PPP6R2: variants seen among roughly 807,000 people sequenced by gnomAD.
PPP6R2 encodes protein phosphatase 6 regulatory subunit 2.
In PPP6R2, 62 loss-of-function variants were observed where a neutral mutation model predicts 100.2. The ratio of observed to expected loss-of-function variants is 0.62; its 90% CI spans 0.50 to 0.76. The LOEUF (loss-of-function observed/expected upper bound fraction) is 0.76, where lower values mean the gene tolerates loss of function less well. Ranked by LOEUF, PPP6R2 falls within the 30% of genes least tolerant of loss-of-function variation. PPP6R2 has a pLI of 0.00. For missense variants in PPP6R2, 1,142 were observed against 1,276.3 expected (o/e 0.89, Z 1.60); for synonymous variants, 525 against 514.7 (o/e 1.02, Z -0.27).
upstream of PPP6R2, among the ~76,000 whole-genome samples, chr22:50,339,659 GTA>G (rs2042347145): frequency 7.2e-6 from 1 of 138,042 alleles, no homozygotes; most frequent in Non-Finnish European, 1.6e-5. Flanking sequence ...GGTGTGTGGT[GTA>G]TGTTTCGAGT....
At chr22:50,410,121 A>G (rs984831949) in intron 4 of PPP6R2, among the ~76,000 whole-genome samples, 1 of 151,570 alleles carries the variant, frequency 6.6e-6, no homozygotes, top group African/African-American at 2.4e-5. Flanking sequence ...TTTTAGAATG[A>G]GTTTGTCACT....
chr22:50,354,425 A>G (rs1308398684), intron 1 of PPP6R2, among the ~76,000 whole-genome samples: 1 of 152,234 alleles, frequency 6.6e-6, no homozygotes, highest in Admixed American at 6.5e-5. Flanking sequence ...TCCAGTGAGC[A>G]TGTCCTTTGA....
intron 2 of PPP6R2, among the ~76,000 whole-genome samples, chr22:50,372,423 C>T (rs2050416561): frequency 6.6e-6 from 1 of 151,904 alleles, no homozygotes; most frequent in South Asian, 2.1e-4. Flanking sequence ...GTGGTGTGTA[C>T]CTGTAATCCC....
intron 1 of PPP6R2, among the ~76,000 whole-genome samples, chr22:50,354,862 A>G (rs2046112337): frequency 7.1e-6 from 1 of 140,348 alleles, no homozygotes; most frequent in Admixed American, 7.3e-5. Flanking sequence ...CTGCACCTGG[A>G]TCAGCCTTTT....
chr22:50,382,659 A>C, intron 2 of PPP6R2, among the ~76,000 whole-genome samples: 1 of 152,214 alleles, frequency 6.6e-6, no homozygotes, highest in African/African-American at 2.4e-5. Flanking sequence ...AGAGCACTAT[A>C]CAATTTTGAA....
intron 3 of PPP6R2, among the ~76,000 whole-genome samples, chr22:50,404,268 T>A (rs1221156503): frequency 3.3e-5 from 5 of 150,724 alleles, no homozygotes; most frequent in Non-Finnish European, 5.9e-5. Context: ...CTAATTTTTG[T>A]ATTTTTAGTA....
At chr22:50,414,331 G>GGCCCCCCC (rs2060189395) in intron 4 of PPP6R2, among the ~76,000 whole-genome samples, 1 of 26,774 alleles carries the variant, frequency 3.7e-5, no homozygotes, top group African/African-American at 8.4e-5. Context: ...CTGTGCAGTG[G>GGCCCCCCC]CCCCCCCCCC....
At chr22:50,441,063 C>T (rs992521120) in intron 22 of PPP6R2, 37 bp downstream of exon 22, 2 of 1,472,022 alleles carry the variant, frequency 1.4e-6, no homozygotes, top group Non-Finnish European at 1.8e-6. Context: ...CTGCCGGGTG[C>T]ATAGGGCGTG....
intron 3 of PPP6R2, among the ~76,000 whole-genome samples, chr22:50,400,914 C>T (rs544709650): frequency 6.6e-5 from 10 of 152,304 alleles, no homozygotes; most frequent in African/African-American, 2.4e-4. Flanking sequence ...CTTTCTGGGA[C>T]TTCTAATGAG....
chr22:50,351,026 GTTTTTTTTTTTTTT>G (rs1195469509), intron 1 of PPP6R2, among the ~76,000 whole-genome samples: 4 of 80,748 alleles, frequency 5.0e-5, no homozygotes, highest in Admixed American at 1.6e-4. Context: ...TCTCAACAGT[GTTTTTTTTTTTTTT>G]TTTTTTTTTT....
intron 1 of PPP6R2, among the ~76,000 whole-genome samples, chr22:50,355,952 A>G (rs572262717): frequency 1.9e-4 from 28 of 149,732 alleles, no homozygotes; most frequent in Admixed American, 1.3e-4. Flanking sequence ...TTTAATACCT[A>G]TAGTGTATTT....
chr22:50,419,309 T>C, intron 7 of PPP6R2, 40 bp from the exon 8 acceptor site: 1 of 1,545,240 alleles, frequency 6.5e-7, no homozygotes, highest in Non-Finnish European at 8.9e-7. Context: ...TGTGTGTGTG[T>C]CTGCTCTGCC....
chr22:50,339,593 GT>G (rs2042346142), upstream of PPP6R2, among the ~76,000 whole-genome samples: 1 of 128,104 alleles, frequency 7.8e-6, no homozygotes, highest in Non-Finnish European at 1.7e-5. Flanking sequence ...GGTGTGTGTG[GT>G]ATGGTGTGTG....
chr22:50,332,509 C>T, the PPP6R2 span, among the ~76,000 whole-genome samples: 6,582 of 151,996 alleles, frequency 0.043, 214 homozygotes, highest in Middle Eastern at 0.11. Context: ...GGATTACAGG[C>T]GTGAGCCACT....
In PPP6R2 at chr22:50,419,438, C is replaced by T. The variant is rs767038150; in HGVS notation, c.821C>T (p.Thr274Ile). ...CLVSGTQVLL[T>I]LLETRRVGTE... The stretch of plus-strand genomic sequence containing the variant: ...GTCAGTGGGACTCAGGTGTTACTCA[C>T]CTTGCTGGAAACCAGGCGGGTTGGG... The change falls in exon 8 of 24, where the codon ACC becomes ATC. Residue 274 changes from threonine (T) to isoleucine (I), a missense_variant. Transcript: ENST00000612753. The T allele has an allele frequency of 6.2e-7, 1 of 1,614,126 alleles. No individual in the cohort carries two copies. The highest frequency in any genetic ancestry group is 8.5e-7 in the Non-Finnish European group (1 of 1,180,008).
chr22:50,395,545 A>G (rs1362421574), intron 3 of PPP6R2, among the ~76,000 whole-genome samples: 1 of 152,096 alleles, frequency 6.6e-6, no homozygotes, highest in African/African-American at 2.4e-5. Flanking sequence ...GTGAGTGAAG[A>G]ATGGTTTTAC....
intron 8 of PPP6R2, among the ~76,000 whole-genome samples, chr22:50,419,687 G>A (rs2061042710): frequency 6.6e-6 from 1 of 152,228 alleles, no homozygotes; most frequent in Admixed American, 6.5e-5. Context: ...GAAGCTGCTC[G>A]TCACGACCAG....
At chr22:50,428,744 A>G (rs2062630444) in intron 10 of PPP6R2, among the ~76,000 whole-genome samples, 1 of 152,090 alleles carries the variant, frequency 6.6e-6, no homozygotes, top group African/African-American at 2.4e-5. Flanking sequence ...ATTCTAAAAA[A>G]AAAAATCATG....
intron 18 of PPP6R2, 78 bp from the exon 19 acceptor site, chr22:50,438,521 A>C (rs2064888128): frequency 6.5e-7 from 1 of 1,536,600 alleles, no homozygotes; most frequent in Admixed American, 1.8e-5. Flanking sequence ...CTCAGCCCCG[A>C]GCCTGGGGCC....
Sources: gnomAD v4.1 joint callset for allele counts (sites outside exome capture counted in the v4.1 genomes callset) on GRCh38, gnomAD v4.1.1 for gene constraint, MANE v1.5 for transcripts, NCBI Gene and HGNC (gene_info 2026-07-23, HGNC 2026-07-21) for gene names.